The following SOHLH1 variants were observed in gnomAD, a reference collection of about 807,000 sequenced individuals.
SOHLH1 encodes the protein spermatogenesis and oogenesis specific basic helix-loop-helix 1, also known as spermatogenesis- and oogenesis-specific basic helix-loop-helix-containing protein 1.
A neutral mutation model predicts 36.2 loss-of-function variants in SOHLH1; 23 were observed. The observed-to-expected ratio is 0.64, with a 90% confidence interval of 0.46 to 0.90. The LOEUF (loss-of-function observed/expected upper bound fraction) is 0.90, where lower values mean the gene tolerates loss of function less well. SOHLH1 is among the 40% of genes least tolerant of loss of function. SOHLH1 has a pLI of 0.00. For synonymous variants in SOHLH1, 289 were observed against 228.3 expected (o/e 1.27, Z -2.40); for missense variants, 608 against 517.0 (o/e 1.18, Z -1.71).
chr9:135,697,657 G>A (rs1285534540), intron 3 of SOHLH1, 30 bp from the exon 4 acceptor site: 5 of 1,602,338 alleles, frequency 3.1e-6, no homozygotes, highest in Non-Finnish European at 3.4e-6. Context: ...GTAAAACAAA[G>A]ACAGAGACAG....
intron 2 of SOHLH1, 64 bp from the exon 3 acceptor site, chr9:135,698,540 CTG>C: frequency 1.2e-6 from 2 of 1,607,872 alleles, no homozygotes; most frequent in South Asian, 2.2e-5. Flanking sequence ...GGGACAGCAA[CTG>C]CTAGAACCTG....
chr9:135,694,233 C>A, intron 7 of SOHLH1, 154 bp downstream of exon 7: 1 of 1,484,762 alleles, frequency 6.7e-7, no homozygotes, highest in Admixed American at 2.2e-5. Context: ...ATACCAGACA[C>A]GGCCCAACAG....
chr9:135,695,071 G>T lies in SOHLH1; in HGVS notation c.854C>A (p.Pro285His), dbSNP rs1295920535. The T allele has an allele frequency of 6.3e-7, 1 of 1,597,352 alleles. No homozygotes were observed. The highest frequency in any genetic ancestry group is 2.3e-5 in the East Asian group (1 of 44,050). ...TCACCCGGCCTCCTGCGCCAGCATG[G>T]GGTCCTCCTTGGCTGGCTCCCCCAG... ...APLGEPAKED[P>H]MLAQEAGSAL... is the part of the protein sequence containing the mutation. The change falls in exon 6 of 8, where the codon CCC becomes CAC. Residue 285 changes from proline to histidine, a missense_variant. Coordinates refer to ENST00000425225, the MANE Select transcript of SOHLH1 (RefSeq NM_001101677.2).
chr9:135,695,105 C>A lies in SOHLH1; in HGVS notation c.820G>T (p.Ala274Ser), dbSNP rs774516240. 5.0e-6 allele frequency: 8 copies of A among 1,598,282 alleles called. No individual in the cohort carries two copies. The highest frequency in any genetic ancestry group is 6.8e-6 in the Non-Finnish European group (8 of 1,174,756). The change falls in exon 6 of 8, where the codon GCT becomes TCT. Residue 274 changes from alanine (A) to serine (S), a missense_variant. Ala to Ser is a moderately conservative substitution (Grantham distance 99). Transcript: ENST00000425225. ...LGQAGPLAMG[A>S]APLGEPAKED... ...TTGGCTGGCTCCCCCAGAGGTGCAG[C>A]CCCCATGGCCAGGGGCCCAGCCTGG...
At chr9:135,699,872 A>G (rs1430652543), upstream of SOHLH1, among the ~76,000 whole-genome samples, 4 of 151,280 alleles carry the variant, frequency 2.6e-5, no homozygotes, top group Non-Finnish European at 5.9e-5. Context: ...CCCTGGTGGG[A>G]GTGGGCGGGC....
intron 5 of SOHLH1, among the ~76,000 whole-genome samples, 191 bp from the exon 6 acceptor site, chr9:135,695,454 G>C (rs1258706743): frequency 6.6e-6 from 1 of 152,080 alleles, no homozygotes; most frequent in African/African-American, 2.4e-5. Flanking sequence ...AGGAAAAGAT[G>C]AACACCCAGA....
At chr9:135,695,360 G>C (rs1834750385) in intron 5 of SOHLH1, 97 bp from the exon 6 acceptor site, 1 of 1,119,048 alleles carries the variant, frequency 8.9e-7, no homozygotes, top group Non-Finnish European at 1.3e-6. Flanking sequence ...CACTCACACT[G>C]ACCGAGCACC....
At chr9:135,695,765 G>A (rs1204875270) in intron 5 of SOHLH1, among the ~76,000 whole-genome samples, 1 of 152,154 alleles carries the variant, frequency 6.6e-6, no homozygotes, top group Non-Finnish European at 1.5e-5. Flanking sequence ...TACCACAGCA[G>A]GGGCCGAGGG....
chr9:135,694,192 T>C, intron 7 of SOHLH1, 195 bp downstream of exon 7: 1 of 1,441,732 alleles, frequency 6.9e-7, no homozygotes, highest in Non-Finnish European at 9.1e-7. Flanking sequence ...TCACGTTCAC[T>C]CACACACTCA....
At chr9:135,700,847 G>A (rs1260611364), upstream of SOHLH1, among the ~76,000 whole-genome samples, 2 of 152,210 alleles carry the variant, frequency 1.3e-5, no homozygotes, top group East Asian at 1.9e-4. Context: ...TGGCCAGGGA[G>A]GGATGGACGG....
chr9:135,699,215 G>A (rs1380685147), intron 1 of SOHLH1, 89 bp from the exon 2 acceptor site: 1 of 1,541,156 alleles, frequency 6.5e-7, no homozygotes, highest in East Asian at 2.4e-5. Flanking sequence ...TCTTTGGGGT[G>A]CGGGTGGAAG....
chr9:135,700,218 T>C (rs73667686), upstream of SOHLH1, among the ~76,000 whole-genome samples: 8,967 of 152,124 alleles, frequency 0.059, 608 homozygotes, highest in East Asian at 0.3. Context: ...CCTCACACTC[T>C]CAACAGGTTT....
chr9:135,696,469 A>G, intron 5 of SOHLH1, 143 bp downstream of exon 5: 1 of 942,654 alleles, frequency 1.1e-6, no homozygotes. Flanking sequence ...TCATCCCTCA[A>G]CACGTGGGTT....
intron 7 of SOHLH1, 185 bp from the exon 8 acceptor site, chr9:135,693,999 G>C (rs1834692792): frequency 7.0e-7 from 1 of 1,428,464 alleles, no homozygotes; most frequent in Non-Finnish European, 9.1e-7. Flanking sequence ...GACACCTGTT[G>C]GACCAGAACC....
Position 135,695,276 on chromosome 9 carries a change from T to A in SOHLH1, c.662-13A>T. Reference sequence around the variant, plus strand: ...AGGCTGGAAGGTTCTGGGAGAGAAGTCAGATGCGGGTCAGCCTTCCCTGCC... The same window carrying A: ...AGGCTGGAAGGTTCTGGGAGAGAAGACAGATGCGGGTCAGCCTTCCCTGCC... On this transcript the variant is annotated splice_polypyrimidine_tract_variant and intron_variant, in intron 5 of 7. Transcript: ENST00000425225. The A allele has an allele frequency of 6.3e-7, 1 of 1,581,740 alleles. No homozygotes were observed. The highest frequency in any genetic ancestry group is 8.6e-7 in the Non-Finnish European group (1 of 1,165,750).
chr9:135,696,272 GAGA>G (rs1370431342), intron 5 of SOHLH1, among the ~76,000 whole-genome samples: 2 of 150,938 alleles, frequency 1.3e-5, no homozygotes, highest in African/African-American at 2.4e-5. Flanking sequence ...ACCCAGGGAG[GAGA>G]AGATCAGGCC....
intron 1 of SOHLH1, 73 bp from the exon 2 acceptor site, chr9:135,699,199 T>G: frequency 6.5e-7 from 1 of 1,545,756 alleles, no homozygotes. Flanking sequence ...GATGCCAGAA[T>G]GGGCGTCTTT....
upstream of SOHLH1, chr9:135,699,593 C>T (rs1412091384): frequency 6.9e-6 from 7 of 1,016,078 alleles, no homozygotes; most frequent in South Asian, 4.1e-5. Flanking sequence ...CACTTGCAAT[C>T]CGCCCCCATA....
chr9:135,701,348 G>A (rs1835028625), upstream of SOHLH1, among the ~76,000 whole-genome samples: 1 of 152,154 alleles, frequency 6.6e-6, no homozygotes. Context: ...CCCTCCAAAT[G>A]GACCTGGCCC....
Sources: gnomAD v4.1 joint callset for allele counts (sites outside exome capture counted in the v4.1 genomes callset) on GRCh38, gnomAD v4.1.1 for gene constraint, MANE v1.5 for transcripts, NCBI Gene and HGNC (gene_info 2026-07-23, HGNC 2026-07-21) for gene names.